CUTC: variants seen among roughly 807,000 people sequenced by gnomAD.
The protein encoded by CUTC is cutC copper transporter, also known as copper homeostasis protein cutC homolog.
Under a neutral mutation model 36.2 loss-of-function variants are expected in CUTC, and 27 were observed. The ratio of observed to expected loss-of-function variants is 0.75; its 90% CI spans 0.55 to 1.03. CUTC has a LOEUF of 1.03. CUTC is among the 50% of genes least tolerant of loss of function. CUTC has a pLI of 0.00. For missense variants in CUTC, 315 were observed against 343.5 expected (o/e 0.92, Z 0.66); for synonymous variants, 114 against 118.3 (o/e 0.96, Z 0.24).
At position 99,755,639 on chromosome 10, in the gene CUTC, C is replaced by T. The variant is rs775948216; in HGVS notation, c.722C>T (p.Ala241Val). Residue 241 changes from alanine (A) to valine (V), a missense_variant, in exon 9 of 9, where the codon GCC (alanine) becomes GTC (valine). Ala to Val is a moderately conservative substitution (Grantham distance 64). Coordinates refer to ENST00000370476, the MANE Select transcript of CUTC (RefSeq NM_015960.3). Reference protein sequence around the residue: ...SGMKFRNSSVAMGASLSCSEY... With the variant: ...SGMKFRNSSVVMGASLSCSEY... The stretch of plus-strand genomic sequence containing the variant: ...TTCTGTTACAGAAATTCATCTGTTG[C>T]CATGGGAGCCTCACTTTCTTGCTCA... The T allele has an allele frequency of 1.2e-6, 2 of 1,610,948 alleles. No individual in the cohort carries two copies. Among genetic ancestry groups the T allele is most frequent in the Non-Finnish European group, 1.7e-6 (2 of 1,177,370 alleles).
intron 2 of CUTC, among the ~76,000 whole-genome samples, chr10:99,737,722 G>T (rs2037308114): frequency 6.6e-6 from 1 of 152,078 alleles, no homozygotes; most frequent in Non-Finnish European, 1.5e-5. Flanking sequence ...CAAGCTATGT[G>T]CCCATAGCCC....
intron 1 of CUTC, among the ~76,000 whole-genome samples, chr10:99,732,922 A>T (rs925046211): frequency 1.3e-5 from 2 of 152,244 alleles, no homozygotes; most frequent in African/African-American, 4.8e-5. Flanking sequence ...ATGGCATGGC[A>T]GGTGCCAGAG....
At position 99,732,260 on chromosome 10, in the gene CUTC, C is replaced by T. The variant is rs919263496; in HGVS notation, c.-89C>T. The T allele has an allele frequency of 2.0e-6, 3 of 1,532,816 alleles. No homozygotes were observed. The highest frequency in any genetic ancestry group is 2.6e-6 in the Non-Finnish European group (3 of 1,138,748). The allele number at this position is 1,532,816 out of a possible 1,614,324, so 95.0% of individuals were successfully genotyped here. On this transcript the variant is annotated 5_prime_UTR_variant, in exon 1 of 9. Coordinates refer to ENST00000370476, the MANE Select transcript of CUTC (RefSeq NM_015960.3). The stretch of plus-strand genomic sequence containing the variant: ...TCGGGGACGCGCGCACGGGCGCGCG[C>T]AGCTGTTGACGCGCTTCTTAGCTGG...
At chr10:99,736,069 T>C (rs2037294157) in intron 1 of CUTC, among the ~76,000 whole-genome samples, 177 bp from the exon 2 acceptor site, 2 of 152,248 alleles carry the variant, frequency 1.3e-5, no homozygotes, top group African/African-American at 2.4e-5. Context: ...TTTCAGTCTA[T>C]AGGCATCAAT....
chr10:99,738,942 G>C (rs1200165985), intron 2 of CUTC, among the ~76,000 whole-genome samples: 1 of 152,116 alleles, frequency 6.6e-6, no homozygotes, highest in Non-Finnish European at 1.5e-5. Flanking sequence ...AACTAGAATA[G>C]TTCTGTAAAG....
chr10:99,751,996 G>T (rs948528230), intron 7 of CUTC, among the ~76,000 whole-genome samples: 1 of 152,118 alleles, frequency 6.6e-6, no homozygotes, highest in Admixed American at 6.6e-5. Flanking sequence ...AAATCATGAG[G>T]TTTGAATAGA....
chr10:99,738,094 G>A (rs1273423392), intron 2 of CUTC, among the ~76,000 whole-genome samples: 7 of 150,720 alleles, frequency 4.6e-5, no homozygotes, highest in African/African-American at 9.8e-5. Flanking sequence ...TGCGTGAGCC[G>A]AGATCACGCC....
intron 2 of CUTC, among the ~76,000 whole-genome samples, chr10:99,737,624 A>T (rs1382161078): frequency 6.6e-6 from 1 of 152,294 alleles, no homozygotes; most frequent in East Asian, 1.9e-4. Flanking sequence ...TAAATGGGTG[A>T]ATTGTATTAG....
Position 99,732,309 on chromosome 10 carries a change from A to T in CUTC, c.-40A>T, listed in dbSNP as rs1489340751. The T allele has an allele frequency of 1.2e-5, 18 of 1,549,978 alleles. No individual in the cohort carries two copies. The highest frequency in any genetic ancestry group is 1.8e-4 in the Middle Eastern group (1 of 5,706). On this transcript the variant is annotated 5_prime_UTR_variant, in exon 1 of 9. It adds an upstream start codon to the 5' untranslated region. Transcript: ENST00000370476. ...GGTGCGCGCCGGAGCCCAAATTCCA[A>T]GTGGAAACTGCAGGCGCACGAGGGA...
chr10:99,736,457 T>C, intron 2 of CUTC, 140 bp downstream of exon 2: 1 of 621,402 alleles, frequency 1.6e-6, no homozygotes. Flanking sequence ...TTAGAAACCC[T>C]ACTGGAAAAT....
At chr10:99,732,856 G>C (rs1386567042) in intron 1 of CUTC, among the ~76,000 whole-genome samples, 2 of 152,194 alleles carry the variant, frequency 1.3e-5, no homozygotes, top group Non-Finnish European at 2.9e-5. Flanking sequence ...CAGCTACCAA[G>C]TGGCCGAGCT....
At chr10:99,750,988 G>C (rs920187918) in intron 7 of CUTC, among the ~76,000 whole-genome samples, 3 of 152,148 alleles carry the variant, frequency 2.0e-5, no homozygotes, top group Non-Finnish European at 4.4e-5. Context: ...ACATAGAAGA[G>C]TGAGACAAAT....
intron 7 of CUTC, among the ~76,000 whole-genome samples, chr10:99,753,358 C>T (rs1189865463): frequency 6.6e-6 from 1 of 152,154 alleles, no homozygotes; most frequent in Non-Finnish European, 1.5e-5. Flanking sequence ...TGAAGAGCTA[C>T]AGTGATAAAG....
intron 7 of CUTC, among the ~76,000 whole-genome samples, chr10:99,753,047 T>A (rs975672006): frequency 4.6e-5 from 7 of 152,178 alleles, no homozygotes; most frequent in Non-Finnish European, 8.8e-5. Flanking sequence ...AGGCTCTGGT[T>A]TCTTCATCTA....
intron 2 of CUTC, among the ~76,000 whole-genome samples, chr10:99,737,363 T>C (rs2037305265): frequency 6.6e-6 from 1 of 152,126 alleles, no homozygotes; most frequent in Non-Finnish European, 1.5e-5. Context: ...TCTTGAAATA[T>C]TATTCTAAGT....
intron 3 of CUTC, among the ~76,000 whole-genome samples, chr10:99,740,205 T>C (rs1036039383): frequency 3.9e-5 from 6 of 152,142 alleles, no homozygotes; most frequent in African/African-American, 1.4e-4. Context: ...AAGAAAAAAA[T>C]CATATATTTA....
intron 5 of CUTC, among the ~76,000 whole-genome samples, chr10:99,745,253 T>C (rs1428776954): frequency 6.6e-6 from 1 of 152,238 alleles, no homozygotes; most frequent in African/African-American, 2.4e-5. Flanking sequence ...TTTTCAAAAT[T>C]TGTAGAATTT....
chr10:99,738,815 C>G (rs536588972), intron 2 of CUTC, among the ~76,000 whole-genome samples: 15 of 152,062 alleles, frequency 9.9e-5, no homozygotes, highest in African/African-American at 3.6e-4. Context: ...ACAGGGAGTT[C>G]AGGTATTGCC....
chr10:99,743,022 T>A (rs2037351809), intron 3 of CUTC, 131 bp from the exon 4 acceptor site: 2 of 753,800 alleles, frequency 2.7e-6, no homozygotes, highest in Non-Finnish European at 4.4e-6. Context: ...ACTTACCTTC[T>A]ACCATATATA....
Sources: gnomAD v4.1 joint callset for allele counts (sites outside exome capture counted in the v4.1 genomes callset) on GRCh38, gnomAD v4.1.1 for gene constraint, MANE v1.5 for transcripts, NCBI Gene and HGNC (gene_info 2026-07-23, HGNC 2026-07-21) for gene names.